Variants in CCDC191 observed in about 807,000 individuals in gnomAD.
CCDC191 encodes the protein coiled-coil domain-containing protein 191.
CCDC191 carries 99 observed loss-of-function variants against 114.0 expected under a neutral mutation model. That is an observed-to-expected ratio of 0.87 (90% CI 0.74 to 1.03). CCDC191 has a LOEUF of 1.03. Ranked by LOEUF, CCDC191 falls within the 50% of genes least tolerant of loss-of-function variation. CCDC191 has a pLI of 0.00. For synonymous variants in CCDC191, 351 were observed against 376.0 expected (o/e 0.93, Z 0.77); for missense variants, 973 against 1,087.0 (o/e 0.90, Z 1.47).
chr3:114,014,733 G>A (rs949518146), intron 8 of CCDC191, among the ~76,000 whole-genome samples: 30 of 152,074 alleles, frequency 2.0e-4, no homozygotes, highest in Non-Finnish European at 4.1e-4. Context: ...AATGGAGGTG[G>A]GACCCATGAA....
Position 114,004,630 on chromosome 3 carries a change from G to A in CCDC191, c.1978+7C>T, listed in dbSNP as rs778052976. 1.2e-6 allele frequency: 2 copies of A among 1,611,458 alleles called. No homozygotes were observed. The highest frequency in any genetic ancestry group is 1.1e-5 in the South Asian group (1 of 90,958). On this transcript the variant is annotated splice_region_variant and intron_variant, in intron 11 of 16. Coordinates refer to ENST00000295878, the MANE Select transcript of CCDC191 (RefSeq NM_020817.2). The stretch of plus-strand genomic sequence containing the variant: ...AACCACCAAGGCCACCACCGAGACA[G>A]CCCTGCCTTTTAGTATGGGATGCGG...
rs111742992 is a variant in CCDC191 at position 113,992,565 on chromosome 3, C to T, written c.2163+9030G>A. Among the ~76,000 whole-genome samples, 907 of 151,838 alleles carry T rather than the reference C, an allele frequency of 6.0e-3. 4 individuals are homozygous for T. Among genetic ancestry groups the T allele is most frequent in the African/African-American group, 0.021 (856 of 41,368 alleles). On this transcript the variant is annotated intron_variant, in intron 13 of 16. Transcript: ENST00000295878. ...TGGTGAATTGTATCAAACATTTAAACGGGGACTGTTGTGGGATGGGGGGAG... is the reference window on the plus strand; with the variant it reads ...TGGTGAATTGTATCAAACATTTAAATGGGGACTGTTGTGGGATGGGGGGAG...
At chr3:114,046,147 A>C (rs1436228476) in intron 3 of CCDC191, among the ~76,000 whole-genome samples, 1 of 152,236 alleles carries the variant, frequency 6.6e-6, no homozygotes, top group Non-Finnish European at 1.5e-5. Context: ...TAAATGGTAG[A>C]GTTCCCCAGG....
intron 2 of CCDC191, among the ~76,000 whole-genome samples, chr3:114,049,406 T>A (rs1391133832): frequency 6.6e-6 from 1 of 152,246 alleles, no homozygotes; most frequent in African/African-American, 2.4e-5. Context: ...TGCACATATG[T>A]AAATAACGTA....
At chr3:114,046,760 T>C (rs1196531840) in intron 2 of CCDC191, 28 bp from the exon 3 acceptor site, 1 of 1,557,954 alleles carries the variant, frequency 6.4e-7, no homozygotes, top group African/African-American at 1.4e-5. Flanking sequence ...AAAAAATCCA[T>C]AAAGATGACA....
intron 8 of CCDC191, among the ~76,000 whole-genome samples, chr3:114,014,953 T>G (rs555649960): frequency 6.6e-6 from 1 of 152,138 alleles, no homozygotes; most frequent in African/African-American, 2.4e-5. Context: ...TAGGAGAGGA[T>G]CTAGTATACA....
chr3:114,015,685 C>A (rs1559911156), intron 8 of CCDC191, among the ~76,000 whole-genome samples: 1 of 152,126 alleles, frequency 6.6e-6, no homozygotes, highest in Admixed American at 6.5e-5. Flanking sequence ...AGTGTGTATA[C>A]TAGAATTTTG....
chr3:114,005,290 G>A (rs574132724), intron 10 of CCDC191, among the ~76,000 whole-genome samples: 5 of 152,242 alleles, frequency 3.3e-5, no homozygotes, highest in Non-Finnish European at 7.4e-5. Context: ...AAAGGCAGCC[G>A]TGACCCAAAT....
chr3:114,045,030 A>G (rs1286925217), intron 3 of CCDC191, among the ~76,000 whole-genome samples: 1 of 152,198 alleles, frequency 6.6e-6, no homozygotes, highest in African/African-American at 2.4e-5. Flanking sequence ...GTGAATCACT[A>G]GTTTCTCAGG....
At chr3:113,967,854 AT>A (rs1940372353) in intron 16 of CCDC191, among the ~76,000 whole-genome samples, 1 of 152,130 alleles carries the variant, frequency 6.6e-6, no homozygotes, top group Non-Finnish European at 1.5e-5. Context: ...TGAGATTCAC[AT>A]TTTTTAGCTC....
chr3:114,009,865 A>T (rs1381787811), intron 9 of CCDC191, among the ~76,000 whole-genome samples: 3 of 152,216 alleles, frequency 2.0e-5, no homozygotes, highest in Non-Finnish European at 4.4e-5. Context: ...GGAGCTAAAC[A>T]AATTCCAGCT....
chr3:113,979,171 C>T lies in CCDC191; in HGVS notation c.2308-161G>A, dbSNP rs189765242. ...GTGTCCTAAAAGCTTTGACTGTTGA[C>T]CTATTCTATGGAGGTTATAGATTCA... is the stretch of plus-strand genomic sequence containing the variant. On this transcript the variant is annotated intron_variant, in intron 14 of 16. Transcript: ENST00000295878. 2.6e-5 allele frequency among the ~76,000 whole-genome samples: 4 copies of T among 152,274 alleles called. No individual in the cohort carries two copies. The East Asian group carries it at 7.7e-4, about 29-fold the overall frequency.
intron 13 of CCDC191, among the ~76,000 whole-genome samples, chr3:113,988,021 G>A (rs572336877): frequency 1.1e-4 from 16 of 150,688 alleles, no homozygotes; most frequent in African/African-American, 2.9e-4. Flanking sequence ...CAGCCTGGGC[G>A]ACAGAGCAAG....
chr3:114,023,964 A>C (rs2076281218), intron 7 of CCDC191, among the ~76,000 whole-genome samples: 1 of 152,184 alleles, frequency 6.6e-6, no homozygotes, highest in Non-Finnish European at 1.5e-5. Flanking sequence ...TCATCTGACA[A>C]AGGGCTAATA....
chr3:114,004,130 C>T (rs996696984), intron 11 of CCDC191: 17 of 953,494 alleles, frequency 1.8e-5, no homozygotes, highest in Non-Finnish European at 2.0e-5. Flanking sequence ...TTTCTAGATG[C>T]ATCAAAAATG....
intron 7 of CCDC191, among the ~76,000 whole-genome samples, chr3:114,027,316 A>G (rs1439254984): frequency 6.6e-6 from 1 of 152,188 alleles, no homozygotes; most frequent in African/African-American, 2.4e-5. Flanking sequence ...TGGGAGGAAC[A>G]AATAAAATCC....
At chr3:113,999,002 C>A (rs2075796813) in intron 13 of CCDC191, among the ~76,000 whole-genome samples, 2 of 152,084 alleles carry the variant, frequency 1.3e-5, no homozygotes, top group Non-Finnish European at 2.9e-5. Flanking sequence ...AATGGAATAG[C>A]CCTTTGAAGA....
chr3:114,017,734 AG>A (rs963951452), intron 8 of CCDC191, among the ~76,000 whole-genome samples: 1 of 152,144 alleles, frequency 6.6e-6, no homozygotes, highest in Non-Finnish European at 1.5e-5. Flanking sequence ...GGGCCTGTTG[AG>A]GGGTGGAGGA....
At chr3:114,021,282 T>C (rs535880447) in intron 7 of CCDC191, among the ~76,000 whole-genome samples, 206 of 152,212 alleles carry the variant, frequency 1.4e-3, no homozygotes, top group African/African-American at 4.7e-3. Flanking sequence ...AAAATACTTA[T>C]GTTGAGACTT....
Sources: allele counts gnomAD v4.1 joint callset (sites outside exome capture counted in the v4.1 genomes callset), GRCh38; gene constraint gnomAD v4.1.1; transcripts MANE v1.5; gene names NCBI Gene and HGNC (gene_info 2026-07-23, HGNC 2026-07-21).